Variants in PRKCE observed in about 807,000 individuals in gnomAD.
PRKCE encodes the protein protein kinase C epsilon type.
In PRKCE, 16 loss-of-function variants were observed where a neutral mutation model predicts 85.4. The observed-to-expected ratio is 0.19, with a 90% CI of 0.13 to 0.28. The LOEUF is 0.28. Ranked by LOEUF, PRKCE falls within the 10% of genes least tolerant of loss-of-function variation. The pLI is 1.00. For synonymous variants in PRKCE, 388 were observed against 371.5 expected, an observed-to-expected ratio of 1.04 and a Z score of -0.51; for missense variants, 573 against 975.2, an observed-to-expected ratio of 0.59 and a Z score of 5.49.
chr2:45,777,587 C>T (rs540311048), intron 1 of PRKCE, among the ~76,000 whole-genome samples: 1 of 152,110 alleles, frequency 6.6e-6, no homozygotes, highest in South Asian at 2.1e-4. Context: ...TAGCACCCTG[C>T]GTACTTGATA....
At chr2:45,783,818 A>G (rs1006293983) in intron 1 of PRKCE, among the ~76,000 whole-genome samples, 1 of 152,096 alleles carries the variant, frequency 6.6e-6, no homozygotes, top group Non-Finnish European at 1.5e-5. Context: ...CTAGAGCCCT[A>G]CTCCGGACTT....
intron 1 of PRKCE, among the ~76,000 whole-genome samples, chr2:45,737,147 G>A (rs1682138509): frequency 6.6e-6 from 1 of 152,210 alleles, no homozygotes; most frequent in Admixed American, 6.5e-5. Flanking sequence ...GTGTGGTTAT[G>A]CTAGCCTTGC....
chr2:45,832,517 T>A (rs764510215), intron 1 of PRKCE, among the ~76,000 whole-genome samples: 11 of 152,162 alleles, frequency 7.2e-5, no homozygotes, highest in Non-Finnish European at 1.5e-4. Context: ...TTCGCCATAT[T>A]GGCCAAGCTG....
At chr2:45,661,438 C>T (rs1262924605) in intron 1 of PRKCE, among the ~76,000 whole-genome samples, 1 of 152,020 alleles carries the variant, frequency 6.6e-6, no homozygotes, top group South Asian at 2.1e-4. Flanking sequence ...CCGCCTCAGC[C>T]TCCCAAAATT....
At chr2:45,887,930 G>C (rs1345791259) in intron 2 of PRKCE, among the ~76,000 whole-genome samples, 1 of 152,174 alleles carries the variant, frequency 6.6e-6, no homozygotes, top group Non-Finnish European at 1.5e-5. Context: ...TTTGAGAGTT[G>C]GCTTTAGCTT....
chr2:45,996,353 T>A (rs543918897), intron 6 of PRKCE, among the ~76,000 whole-genome samples: 32 of 152,330 alleles, frequency 2.1e-4, no homozygotes, highest in South Asian at 1.4e-3. Flanking sequence ...ATACTTTTTA[T>A]TTCTTTTTCT....
intron 10 of PRKCE, among the ~76,000 whole-genome samples, chr2:46,048,194 G>A (rs1009163839): frequency 1.3e-5 from 2 of 151,614 alleles, no homozygotes; most frequent in Non-Finnish European, 2.9e-5. Flanking sequence ...TCTGTTTTCT[G>A]TTCTTTCTCT....
chr2:45,821,034 G>A (rs549963449), intron 1 of PRKCE, among the ~76,000 whole-genome samples: 1 of 152,218 alleles, frequency 6.6e-6, no homozygotes, highest in South Asian at 2.1e-4. Flanking sequence ...AGCCCCAAGG[G>A]TCAGGGGAGC....
chr2:45,997,515 T>C (rs1252955045), intron 6 of PRKCE, among the ~76,000 whole-genome samples: 1 of 152,006 alleles, frequency 6.6e-6, no homozygotes, highest in Non-Finnish European at 1.5e-5. Flanking sequence ...TTTGATGTTG[T>C]ATTTTATTTT....
chr2:45,698,619 A>G (rs1179289342), intron 1 of PRKCE, among the ~76,000 whole-genome samples: 4 of 151,780 alleles, frequency 2.6e-5, no homozygotes, highest in African/African-American at 9.7e-5. Context: ...AGAGAGGAAG[A>G]GAGGGGGAGG....
chr2:45,985,803 C>T (rs1703277645), intron 6 of PRKCE, among the ~76,000 whole-genome samples: 1 of 152,186 alleles, frequency 6.6e-6, no homozygotes, highest in South Asian at 2.1e-4. Context: ...GAAATGGAGC[C>T]TGAGCTGGGG....
In PRKCE at chr2:45,652,949, T is replaced by C. The variant is rs1572859750; in HGVS notation, c.348+501T>C. On this transcript the variant is annotated intron_variant, in intron 1 of 14. Transcript: ENST00000306156. This position sits in a 1 kb window ranked among gnomAD's most constrained non-coding sequence, Gnocchi z 7.7. ...AGGAAGCTGGCTTGTTTCTATTCTC[T>C]TGCATGGTGGTTAGCTCATCTTCTG... Among the ~76,000 whole-genome samples, 1 of 152,096 alleles carries C rather than the reference T, an allele frequency of 6.6e-6. No homozygotes were observed. Among genetic ancestry groups the C allele is most frequent in the Non-Finnish European group, 1.5e-5 (1 of 68,002 alleles).
At chr2:46,161,224 A>C (rs1447848244) in intron 14 of PRKCE, among the ~76,000 whole-genome samples, 2 of 152,184 alleles carry the variant, frequency 1.3e-5, no homozygotes, top group African/African-American at 4.8e-5. Flanking sequence ...TCTGCCAGTC[A>C]CCTTTAAGGA....
At chr2:46,019,649 C>T (rs1177848204) in intron 10 of PRKCE, among the ~76,000 whole-genome samples, 2 of 152,102 alleles carry the variant, frequency 1.3e-5, no homozygotes, top group South Asian at 2.1e-4. Flanking sequence ...CTTCTTTATA[C>T]CAATTAGCCT....
In PRKCE at chr2:45,883,051, G is replaced by C. The variant is rs908165662; in HGVS notation, c.412+39988G>C. The stretch of plus-strand genomic sequence containing the variant: ...CTTGGCACTCTGGGCTTAAATTTTA[G>C]TTGGGTAAAAAATGGGAAAAAAGCC... On this transcript the variant is annotated intron_variant, in intron 2 of 14. Coordinates refer to ENST00000306156, the MANE Select transcript of PRKCE (RefSeq NM_005400.3). Among the ~76,000 whole-genome samples, 5 of 151,220 alleles carry C rather than the reference G, an allele frequency of 3.3e-5. 1 individual carries two copies. The highest frequency in any genetic ancestry group is 9.9e-5 in the African/African-American group (4 of 40,474).
At chr2:46,126,922 T>G (rs1232448587) in intron 11 of PRKCE, among the ~76,000 whole-genome samples, 2 of 152,206 alleles carry the variant, frequency 1.3e-5, no homozygotes, top group African/African-American at 4.8e-5. Flanking sequence ...ACAGTTTTCT[T>G]AAGACCCAAC....
intron 6 of PRKCE, among the ~76,000 whole-genome samples, chr2:45,994,057 C>T (rs752797588): frequency 2.0e-5 from 3 of 152,010 alleles, no homozygotes; most frequent in Non-Finnish European, 2.9e-5. Context: ...TAGAGCATTA[C>T]GGAGATCTGG....
rs546267758 is a variant in PRKCE, at chr2:45,893,608, C to T, written c.412+50545C>T. Among the ~76,000 whole-genome samples, 21 of 151,748 alleles carry T rather than the reference C, an allele frequency of 1.4e-4. No homozygotes were observed. The East Asian group carries it at 1.8e-3, about 13-fold the overall frequency. On this transcript the variant is annotated intron_variant, in intron 2 of 14. Coordinates refer to ENST00000306156, the MANE Select transcript of PRKCE (RefSeq NM_005400.3). ...GTCTCCTGACCTCAGGCAATCCGCC[C>T]GCCTCAGCCTCCCAAAGTGCTGGGA...
In PRKCE at chr2:45,659,662, A is replaced by G. The variant is rs185967997; in HGVS notation, c.348+7214A>G. Among the ~76,000 whole-genome samples, 5 of 152,170 alleles carry G rather than the reference A, an allele frequency of 3.3e-5. No individual in the cohort carries two copies. The South Asian group carries it at 6.2e-4, about 19-fold the overall frequency. On this transcript the variant is annotated intron_variant, in intron 1 of 14. Coordinates refer to ENST00000306156, the MANE Select transcript of PRKCE (RefSeq NM_005400.3). Reference sequence around the variant, plus strand: ...TTGACACCCCTTAAATGCACTTACCATGCTCCTGCCTCAGTCTTTACCCTT... The same window carrying G: ...TTGACACCCCTTAAATGCACTTACCGTGCTCCTGCCTCAGTCTTTACCCTT...
Sources: allele counts gnomAD v4.1 joint callset (sites outside exome capture counted in the v4.1 genomes callset), GRCh38; gene constraint gnomAD v4.1.1; non-coding constraint Gnocchi (gnomAD v3.1); transcripts MANE v1.5; gene names NCBI Gene and HGNC (gene_info 2026-07-23, HGNC 2026-07-21).